Variants in ZNF705A observed in about 807,000 individuals in gnomAD.
ZNF705A encodes the protein zinc finger protein 705A.
Under a neutral mutation model 16.6 loss-of-function variants are expected in ZNF705A, and 8 were observed. The ratio of observed to expected loss-of-function variants is 0.48; its 90% CI spans 0.28 to 0.87. The LOEUF (loss-of-function observed/expected upper bound fraction) is 0.87, where lower values mean the gene tolerates loss of function less well. ZNF705A is among the 40% of genes least tolerant of loss of function. ZNF705A has a pLI of 0.10. For synonymous variants in ZNF705A, 73 were observed against 117.3 expected (o/e 0.62, Z 2.44); for missense variants, 233 against 359.9 (o/e 0.65, Z 2.85).
At chr12:8,173,563 T>C (rs1948462060) in intron 1 of ZNF705A, among the ~76,000 whole-genome samples, 2 of 152,242 alleles carry the variant, frequency 1.3e-5, no homozygotes, top group Non-Finnish European at 2.9e-5. Context: ...ACAGGAATCA[T>C]CGGACTAAGA....
At chr12:8,177,751 C>T (rs950503408) in exon 5 of ZNF705A, 118 of 1,130,592 alleles carry the variant, frequency 1.0e-4, no homozygotes, top group East Asian at 1.8e-4. Flanking sequence ...TTAGGAATGA[C>T]GAAGGTAAGG....
intron 1 of ZNF705A, among the ~76,000 whole-genome samples, chr12:8,173,564 C>T (rs1004565090): frequency 7.9e-5 from 12 of 152,204 alleles, no homozygotes; most frequent in South Asian, 2.1e-4. Context: ...CAGGAATCAT[C>T]GGACTAAGAT....
chr12:8,161,007 C>T (rs1040556689), intron 1 of ZNF705A, among the ~76,000 whole-genome samples: 1 of 152,068 alleles, frequency 6.6e-6, no homozygotes, highest in Non-Finnish European at 1.5e-5. Flanking sequence ...CCCCTGTATG[C>T]GGATTTTGCT....
chr12:8,160,872 A>T (rs7133410), intron 1 of ZNF705A, among the ~76,000 whole-genome samples: 75,095 of 151,898 alleles, frequency 0.49, 18,925 homozygotes, highest in South Asian at 0.6. Context: ...GTTGAAGAGG[A>T]GTACTGAGAG....
intron 1 of ZNF705A, among the ~76,000 whole-genome samples, chr12:8,165,068 A>G (rs1319335244): frequency 6.6e-6 from 1 of 152,184 alleles, no homozygotes; most frequent in Non-Finnish European, 1.5e-5. Flanking sequence ...TTGTATATCC[A>G]CCACAAGTAT....
At chr12:8,178,890 A>C (rs1161887181) in exon 5 of ZNF705A, 2 of 152,194 alleles carry the variant, frequency 1.3e-5, no homozygotes, top group African/African-American at 4.8e-5. Context: ...CCCAGTCTTT[A>C]ACAGCTCTTT....
intron 1 of ZNF705A, among the ~76,000 whole-genome samples, chr12:8,163,133 A>G (rs1486144508): frequency 6.6e-6 from 1 of 152,168 alleles, no homozygotes; most frequent in African/African-American, 2.4e-5. Flanking sequence ...TAGATCTATT[A>G]CTAACTGGAG....
intron 1 of ZNF705A, among the ~76,000 whole-genome samples, chr12:8,166,125 T>C (rs1316716323): frequency 6.6e-6 from 1 of 152,168 alleles, no homozygotes; most frequent in Non-Finnish European, 1.5e-5. Flanking sequence ...CATTCTCGGG[T>C]CTGGAAGATG....
upstream of ZNF705A, among the ~76,000 whole-genome samples, chr12:8,170,225 G>C (rs762655038): frequency 6.7e-6 from 1 of 148,762 alleles, no homozygotes; most frequent in South Asian, 2.1e-4. Flanking sequence ...GAGACATCTG[G>C]AGGGAGATCC....
intron 1 of ZNF705A, among the ~76,000 whole-genome samples, 170 bp downstream of exon 1, chr12:8,157,262 A>T (rs1471224429): frequency 6.6e-6 from 1 of 152,158 alleles, no homozygotes; most frequent in Non-Finnish European, 1.5e-5. Flanking sequence ...ATTCTAAGTA[A>T]ATTATGAAAT....
chr12:8,172,652 C>A lies in ZNF705A; in HGVS notation c.12+15C>A. 1 of 1,596,336 alleles carries A rather than the reference C, an allele frequency of 6.3e-7. No individual in the cohort carries two copies. Among genetic ancestry groups the A allele is most frequent in the South Asian group, 1.1e-5 (1 of 90,978 alleles). ...TGCATTCACTAGTGAGTAGGGGATG[C>A]TTCTTTCTACTGAAATTATACCCAT... On this transcript the variant is annotated intron_variant, in intron 1 of 4. Transcript: ENST00000359286.
chr12:8,161,606 GAAT>G (rs1393142332), intron 1 of ZNF705A, among the ~76,000 whole-genome samples: 2 of 152,128 alleles, frequency 1.3e-5, no homozygotes, highest in African/African-American at 4.8e-5. Flanking sequence ...TAGTAGCCTT[GAAT>G]GATCAGTGGT....
At chr12:8,173,399 G>A (rs541447469) in intron 1 of ZNF705A, among the ~76,000 whole-genome samples, 7 of 152,272 alleles carry the variant, frequency 4.6e-5, no homozygotes, top group African/African-American at 1.7e-4. Flanking sequence ...AGGGTTCTGT[G>A]GAAATGCTTT....
intron 1 of ZNF705A, among the ~76,000 whole-genome samples, chr12:8,157,345 G>A (rs1219171834): frequency 6.6e-6 from 1 of 152,094 alleles, no homozygotes; most frequent in African/African-American, 2.4e-5. Context: ...CATGTGAATT[G>A]GATTTAAAGC....
At chr12:8,163,863 C>T (rs565691557) in intron 1 of ZNF705A, among the ~76,000 whole-genome samples, 3 of 152,132 alleles carry the variant, frequency 2.0e-5, no homozygotes, top group Admixed American at 6.5e-5. Context: ...AACAAGGGAA[C>T]ATCTACCCCT....
chr12:8,173,634 T>G (rs1388306802), intron 1 of ZNF705A, among the ~76,000 whole-genome samples: 2 of 152,212 alleles, frequency 1.3e-5, no homozygotes, highest in Admixed American at 6.5e-5. Context: ...CTTTAAGCCT[T>G]GTCATGAACA....
At chr12:8,159,626 T>C (rs1948337028) in intron 1 of ZNF705A, among the ~76,000 whole-genome samples, 1 of 151,854 alleles carries the variant, frequency 6.6e-6, no homozygotes, top group African/African-American at 2.4e-5. Flanking sequence ...GAATTGTCTA[T>C]TCATGTCTTT....
At chr12:8,172,622 G>C (rs779917804) in exon 1 of ZNF705A, 30 of 1,596,452 alleles carry the variant, frequency 1.9e-5, no homozygotes, top group Non-Finnish European at 2.5e-5. Flanking sequence ...CTGAGTTCCG[G>C]ACAATGCATT....
chr12:8,167,033 A>C (rs112580413), intron 1 of ZNF705A, among the ~76,000 whole-genome samples: 8,421 of 152,314 alleles, frequency 0.055, 603 homozygotes, highest in African/African-American at 0.17. Flanking sequence ...CATGACCCCT[A>C]TAACACTTCC....
Sources: allele counts gnomAD v4.1 joint callset (sites outside exome capture counted in the v4.1 genomes callset), GRCh38; gene constraint gnomAD v4.1.1; transcripts MANE v1.5; gene names NCBI Gene and HGNC (gene_info 2026-07-23, HGNC 2026-07-21).